The following MACROD2 variants were observed in gnomAD, a reference collection of about 807,000 sequenced individuals.
MACROD2 encodes mono-ADP ribosylhydrolase 2.
A neutral mutation model predicts 70.4 loss-of-function variants in MACROD2; 36 were observed. That is an observed-to-expected ratio of 0.51 (90% CI 0.39 to 0.68). The LOEUF is 0.68. Among genes scored for constraint, MACROD2 ranks in the 30% least tolerant of loss-of-function variants. MACROD2 has a pLI of 0.00. For synonymous variants in MACROD2, 172 were observed against 178.8 expected (o/e 0.96, Z 0.30); for missense variants, 496 against 538.4 (o/e 0.92, Z 0.78).
At chr20:14,067,090 C>T (rs1195807247) in intron 2 of MACROD2, among the ~76,000 whole-genome samples, 4 of 147,118 alleles carry the variant, frequency 2.7e-5, no homozygotes, top group Non-Finnish European at 5.9e-5. Flanking sequence ...AGATTACAGG[C>T]GTGAGCTACT....
intron 13 of MACROD2, among the ~76,000 whole-genome samples, chr20:15,977,793 G>T (rs777279409): frequency 5.9e-4 from 90 of 152,226 alleles, no homozygotes; most frequent in Non-Finnish European, 4.3e-4. Flanking sequence ...TACACTTAAG[G>T]TTTGTACATT....
chr20:14,577,520 T>G (rs1174567146), intron 4 of MACROD2, among the ~76,000 whole-genome samples: 1 of 152,166 alleles, frequency 6.6e-6, no homozygotes, highest in African/African-American at 2.4e-5. Flanking sequence ...GGCTCACGCC[T>G]GTGATCCCAG....
At chr20:16,046,010 A>T (rs2067375457) in intron 17 of MACROD2, among the ~76,000 whole-genome samples, 2 of 151,976 alleles carry the variant, frequency 1.3e-5, no homozygotes. Context: ...AAAGAAAAAA[A>T]CCTATGGAAT....
chr20:15,678,488 T>G lies in MACROD2; in HGVS notation c.645+178641T>G, dbSNP rs545291682. Among the ~76,000 whole-genome samples, 48 of 152,004 alleles carry G rather than the reference T, an allele frequency of 3.2e-4. No individual in the cohort carries two copies. The East Asian group carries it at 9.0e-3, about 29-fold the overall frequency. On this transcript the variant is annotated intron_variant, in intron 8 of 17. Coordinates refer to ENST00000684519, the MANE Select transcript of MACROD2 (RefSeq NM_001351661.2). ...CATTCTCCTGCCTCAGCCTCCCGAG[T>G]AGCTGGGACTACAGGCGCCCGCCAC...
chr20:15,303,755 A>C (rs2077669415), intron 6 of MACROD2, among the ~76,000 whole-genome samples: 1 of 152,048 alleles, frequency 6.6e-6, no homozygotes, highest in Non-Finnish European at 1.5e-5. Context: ...TATGCACCGT[A>C]TTTTTTTCAT....
At chr20:14,276,893 GTCT>G (rs1324669772) in intron 3 of MACROD2, among the ~76,000 whole-genome samples, 1 of 152,104 alleles carries the variant, frequency 6.6e-6, no homozygotes, top group Non-Finnish European at 1.5e-5. Flanking sequence ...TAATCTTTAT[GTCT>G]TCTTCTTCAT....
rs139463996 is a variant in MACROD2 at position 14,906,764 on chromosome 20, G to A, written c.418+221805G>A. On this transcript the variant is annotated intron_variant, in intron 5 of 17. Transcript: ENST00000684519. ...CCAAGTATAACATGTTATTTCTTTCGTAAGTCTTCTCAGGACTTAAAACTG... is the reference window on the plus strand; with the variant it reads ...CCAAGTATAACATGTTATTTCTTTCATAAGTCTTCTCAGGACTTAAAACTG... 1.2e-3 allele frequency among the ~76,000 whole-genome samples: 186 copies of A among 152,128 alleles called. 2 individuals are homozygous for A. Among genetic ancestry groups the A allele is most frequent in the African/African-American group, 4.1e-3 (169 of 41,518 alleles).
At chr20:16,004,775 C>T (rs778215599) in intron 15 of MACROD2, among the ~76,000 whole-genome samples, 2 of 152,222 alleles carry the variant, frequency 1.3e-5, no homozygotes, top group Non-Finnish European at 2.9e-5. Flanking sequence ...CGAGCCATGG[C>T]TCCCTTCTCT....
At chr20:15,846,911 T>TTATATATATATATATATATA (rs33993940) in intron 8 of MACROD2, among the ~76,000 whole-genome samples, 23 of 138,150 alleles carry the variant, frequency 1.7e-4, no homozygotes, top group South Asian at 6.5e-4. Context: ...AAAAAAAAAA[T>TTATATATATATATATATATA]TATATATATA....
intron 5 of MACROD2, among the ~76,000 whole-genome samples, chr20:14,832,842 A>G (rs2072987286): frequency 6.6e-6 from 1 of 152,088 alleles, no homozygotes; most frequent in Admixed American, 6.6e-5. Flanking sequence ...GTGAGCTAAG[A>G]ACAGGGGAAA....
At chr20:15,355,944 C>T (rs558618395) in intron 6 of MACROD2, among the ~76,000 whole-genome samples, 2 of 152,318 alleles carry the variant, frequency 1.3e-5, no homozygotes, top group African/African-American at 4.8e-5. Flanking sequence ...TAACTCTGTT[C>T]TAACCTTTCC....
chr20:14,080,714 C>T (rs1312365569), intron 2 of MACROD2, among the ~76,000 whole-genome samples: 1 of 151,972 alleles, frequency 6.6e-6, no homozygotes, highest in Non-Finnish European at 1.5e-5. Context: ...CGTTGTCAAC[C>T]TATAAACTGG....
intron 5 of MACROD2, among the ~76,000 whole-genome samples, chr20:14,728,630 A>T (rs1027468704): frequency 6.6e-6 from 1 of 152,200 alleles, no homozygotes; most frequent in Admixed American, 6.5e-5. Context: ...GTTGATGCCA[A>T]GTCATGATTC....
chr20:14,337,462 A>G lies in MACROD2; in HGVS notation c.272-156017A>G, dbSNP rs2082959213. 10 of 396,556 alleles carry G rather than the reference A, an allele frequency of 2.5e-5. No homozygotes were observed. In the East Asian group the frequency reaches 3.6e-4, roughly 14 times the overall value. 24.6% of individuals were successfully genotyped at this position (396,556 alleles called of 1,614,324 possible). On this transcript the variant is annotated intron_variant, in intron 3 of 17. Coordinates refer to ENST00000684519, the MANE Select transcript of MACROD2 (RefSeq NM_001351661.2). ...TGCCGCTATAGCTGTAATTCCATTG[A>G]CAGTGAATTGGAGTAATAGCCCTCC... is the stretch of plus-strand genomic sequence containing the variant.
chr20:15,660,467 A>C (rs975811804), intron 8 of MACROD2, among the ~76,000 whole-genome samples: 3 of 152,142 alleles, frequency 2.0e-5, no homozygotes, highest in Non-Finnish European at 4.4e-5. Context: ...TTATTTAGAA[A>C]ATAGAAAGCA....
Position 14,013,674 on chromosome 20 carries a change from C to CTTTTTT in MACROD2, c.163+11288_163+11293dup, listed in dbSNP as rs34386274. On this transcript the variant is annotated intron_variant, in intron 2 of 17. Coordinates refer to ENST00000684519, the MANE Select transcript of MACROD2 (RefSeq NM_001351661.2). ...TTATGTAAATTGTCCTTATATTAAG[C>CTTTTTT]TTTTTTTTTTTTTTTTTTTTTTTGA... 2.1e-3 allele frequency among the ~76,000 whole-genome samples: 152 copies of CTTTTTT among 70,972 alleles called. 1 individual carries two copies. Among genetic ancestry groups the CTTTTTT allele is most frequent in the Non-Finnish European group, 2.5e-3 (103 of 40,900 alleles). The allele number at this position is 70,972 out of a possible 152,430, so 46.6% of individuals were successfully genotyped here.
intron 6 of MACROD2, among the ~76,000 whole-genome samples, chr20:15,316,046 A>AAATATCTTT (rs2146159720): frequency 6.6e-6 from 1 of 152,178 alleles, no homozygotes; most frequent in Non-Finnish European, 1.5e-5. Context: ...ACCACTGAGA[A>AAATATCTTT]AATATCTTTA....
At chr20:15,176,268 G>T (rs2076461075) in intron 5 of MACROD2, among the ~76,000 whole-genome samples, 2 of 152,204 alleles carry the variant, frequency 1.3e-5, no homozygotes, top group African/African-American at 4.8e-5. Context: ...GATGGCAGCA[G>T]AAGGCAGACA....
At chr20:14,231,108 A>G (rs542346740) in intron 3 of MACROD2, among the ~76,000 whole-genome samples, 1 of 152,108 alleles carries the variant, frequency 6.6e-6, no homozygotes, top group African/African-American at 2.4e-5. Context: ...GAGCACAGGC[A>G]GAGTGCATTT....
Sources: allele counts gnomAD v4.1 joint callset (sites outside exome capture counted in the v4.1 genomes callset), GRCh38; gene constraint gnomAD v4.1.1; transcripts MANE v1.5; gene names NCBI Gene and HGNC (gene_info 2026-07-23, HGNC 2026-07-21).